EPX: variants seen among roughly 807,000 people sequenced by gnomAD.
The protein encoded by EPX is eosinophil peroxidase.
A neutral mutation model predicts 73.0 loss-of-function variants in EPX; 60 were observed. The ratio of observed to expected loss-of-function variants is 0.82; its 90% CI spans 0.67 to 1.02. The LOEUF (loss-of-function observed/expected upper bound fraction) is 1.02. Ranked by LOEUF, EPX falls within the 50% of genes least tolerant of loss-of-function variation. EPX has a pLI of 0.00. For synonymous variants in EPX, 347 were observed against 389.2 expected, an observed-to-expected ratio of 0.89 and a Z score of 1.28; for missense variants, 950 against 973.9, an observed-to-expected ratio of 0.98 and a Z score of 0.33.
rs1968400593 is a variant in EPX, at chr17:58,204,452, C to T, written c.*11+18C>T. On this transcript the variant is annotated intron_variant, in intron 12 of 12. Transcript: ENST00000225371. ...TTCTGCAGGTAAGGGGAGGCCACCT[C>T]CAGCACCCTGGGCTGGGTTAAGCCC... 2 of 1,530,006 alleles carry T rather than the reference C, an allele frequency of 1.3e-6. No individual in the cohort carries two copies. The highest frequency in any genetic ancestry group is 4.5e-5 in the East Asian group (2 of 44,446). 94.8% of individuals were successfully genotyped at this position (1,530,006 alleles called of 1,614,324 possible).
intron 6 of EPX, among the ~76,000 whole-genome samples, chr17:58,195,987 T>TTTCC (rs772829316): frequency 4.3e-4 from 65 of 151,444 alleles, no homozygotes; most frequent in Non-Finnish European, 7.5e-4. Flanking sequence ...CTTTCTTTCC[T>TTTCC]TTCCTTCCTT....
At chr17:58,194,313 G>C (rs141230007) in intron 5 of EPX, among the ~76,000 whole-genome samples, 1 of 152,250 alleles carries the variant, frequency 6.6e-6, no homozygotes, top group African/African-American at 2.4e-5. Context: ...GAAGTCCTTG[G>C]TATAAATAGC....
intron 5 of EPX, 110 bp downstream of exon 5, chr17:58,194,202 C>A: frequency 9.0e-7 from 1 of 1,113,664 alleles, no homozygotes; most frequent in Non-Finnish European, 1.3e-6. Context: ...TTCCACTGAC[C>A]AGTGCAGTGA....
intron 10 of EPX, 113 bp downstream of exon 10, chr17:58,200,508 G>C: frequency 8.9e-7 from 1 of 1,127,440 alleles, no homozygotes; most frequent in Non-Finnish European, 1.3e-6. Context: ...AGGATGTGCA[G>C]GAGTGCAGAG....
chr17:58,204,430 T>G lies in EPX; in HGVS notation c.*7T>G. The G allele has an allele frequency of 6.2e-7, 1 of 1,610,994 alleles. No homozygotes were observed. ...AGCCTGGCGAGGGACATGAGGCTTC[T>G]GCAGGTAAGGGGAGGCCACCTCCAG... On this transcript the variant is annotated 3_prime_UTR_variant, in exon 12 of 13. Coordinates refer to ENST00000225371, the MANE Select transcript of EPX (RefSeq NM_000502.6).
intron 11 of EPX, 63 bp downstream of exon 11, chr17:58,203,381 C>A: frequency 9.6e-7 from 1 of 1,043,118 alleles, no homozygotes; most frequent in Non-Finnish European, 1.5e-6. Context: ...ACTAGCATTT[C>A]AAGACTAAAC....
chr17:58,195,203 G>T (rs371395875), intron 6 of EPX, 33 bp downstream of exon 6: 1 of 1,561,596 alleles, frequency 6.4e-7, no homozygotes, highest in Non-Finnish European at 8.8e-7. Flanking sequence ...CCATGCCCTT[G>T]TGTGGCCTCC....
At position 58,199,635 on chromosome 17, in the gene EPX, C is replaced by T. The variant is rs370316542; in HGVS notation, c.1378C>T (p.Pro460Ser). The change falls in exon 9 of 13, where the codon CCA becomes TCA. Residue 460 changes from proline (P) to serine (S), a missense_variant. Transcript: ENST00000225371. ...CAGGGGGTACTGCTCCAATGTGGAC[C>T]CACGGGTGGCCAATGTCTTCACCCT... ...HYRGYCSNVD[P>S]RVANVFTLAF... 3 of 1,614,232 alleles carry T rather than the reference C, an allele frequency of 1.9e-6. No homozygotes were observed. In the East Asian group the frequency reaches 6.7e-5, roughly 36 times the overall value.
intron 8 of EPX, 66 bp downstream of exon 8, chr17:58,199,266 C>T (rs1968305242): frequency 6.5e-7 from 1 of 1,543,914 alleles, no homozygotes; most frequent in East Asian, 2.3e-5. Flanking sequence ...GTCCTTAACA[C>T]ATCCTTGCGG....
chr17:58,197,475 C>T (rs1407334137), intron 7 of EPX, among the ~76,000 whole-genome samples: 2 of 152,178 alleles, frequency 1.3e-5, no homozygotes, highest in African/African-American at 4.8e-5. Flanking sequence ...TAACCGTCTC[C>T]AGTGACAAGG....
chr17:58,202,965 T>C (rs1968360810), intron 10 of EPX, 116 bp from the exon 11 acceptor site: 1 of 777,536 alleles, frequency 1.3e-6, no homozygotes. Context: ...AGCAGGATCT[T>C]CTGGTTCTGC....
chr17:58,204,554 T>A lies in EPX; in HGVS notation c.*11+120T>A. The A allele has an allele frequency of 4.5e-6, 3 of 663,306 alleles. No homozygotes were observed. In the South Asian group the frequency reaches 5.2e-5, roughly 11 times the overall value. The allele number at this position is 663,306 out of a possible 1,614,324, so 41.1% of individuals were successfully genotyped here. A position where few individuals can be genotyped will look rare whatever the true frequency, so the allele number is the denominator to read the frequency against. Reference sequence around the variant, plus strand: ...GAAAACAGAACTTGTCACTAGGTACTCTTTCCAAGTGGCTTCCCAATGTGC... The same window carrying A: ...GAAAACAGAACTTGTCACTAGGTACACTTTCCAAGTGGCTTCCCAATGTGC... On this transcript the variant is annotated intron_variant, in intron 12 of 12. Coordinates refer to ENST00000225371, the MANE Select transcript of EPX (RefSeq NM_000502.6).
In EPX at chr17:58,202,857, A is replaced by C. The variant is rs1444777629; in HGVS notation, c.1709-224A>C. 6.9e-6 allele frequency: 4 copies of C among 580,528 alleles called. No individual in the cohort carries two copies. In the African/African-American group the frequency reaches 7.5e-5, roughly 11 times the overall value. The allele number at this position is 580,528 out of a possible 1,614,324, so 36.0% of individuals were successfully genotyped here. A position where few individuals can be genotyped will look rare whatever the true frequency, so the allele number is the denominator to read the frequency against. On this transcript the variant is annotated intron_variant, in intron 10 of 12. Coordinates refer to ENST00000225371, the MANE Select transcript of EPX (RefSeq NM_000502.6). ...AAAACAGCTTTTTAGGTTAGGACAC[A>C]CTCCTCAGTCTGATGCACACTGAGC...
chr17:58,196,970 A>G lies in EPX; in HGVS notation c.833A>G (p.Gln278Arg). Residue 278 changes from glutamine to arginine, a missense_variant, in exon 7 of 13, where the codon CAG (glutamine) becomes CGG (arginine). Transcript: ENST00000225371. ...CCCAATGACCCCCGCATCAAGAACC[A>G]GCGTGACTGCATCCCTTTCTTCCGC... Reference protein sequence around the residue: ...IPPNDPRIKNQRDCIPFFRSA... With the variant: ...IPPNDPRIKNRRDCIPFFRSA... 1 of 1,614,128 alleles carries G rather than the reference A, an allele frequency of 6.2e-7. No individual in the cohort carries two copies. Among genetic ancestry groups the G allele is most frequent in the Non-Finnish European group, 8.5e-7 (1 of 1,180,010 alleles).
In EPX at chr17:58,193,982, G is replaced by A. The variant is rs375023183; in HGVS notation, c.484G>A (p.Ala162Thr). 8 of 1,612,880 alleles carry A rather than the reference G, an allele frequency of 5.0e-6. No individual in the cohort carries two copies. The highest frequency in any genetic ancestry group is 3.3e-4 in the Middle Eastern group (2 of 6,062). ...CNNKRRPLLG[A>T]SNQALARWLP... Reference sequence around the variant, plus strand: ...CTGCAGGAGGAGACCCTTGCTAGGGGCCTCCAACCAGGCTCTGGCTCGCTG... The same window carrying A: ...CTGCAGGAGGAGACCCTTGCTAGGGACCTCCAACCAGGCTCTGGCTCGCTG... The change falls in exon 5 of 13, where the codon GCC becomes ACC. Residue 162 changes from alanine (A) to threonine (T), a missense_variant. Ala to Thr is a moderately conservative substitution (Grantham distance 58, BLOSUM62 0). Transcript: ENST00000225371.
rs1402184968 is a variant in EPX at position 58,193,021 on chromosome 17, C to T, written c.77-17C>T. On this transcript the variant is annotated splice_polypyrimidine_tract_variant and intron_variant, in intron 1 of 12. Transcript: ENST00000225371. ...CTTGTGGCTTGCTGAACCCTGAGTC[C>T]CCATCTCTTTGAACAGCCTCCCCTG... 2 of 1,602,650 alleles carry T rather than the reference C, an allele frequency of 1.2e-6. No homozygotes were observed. The highest frequency in any genetic ancestry group is 1.7e-5 in the Admixed American group (1 of 59,986).
intron 6 of EPX, 147 bp downstream of exon 6, chr17:58,195,317 G>A (rs1968241003): frequency 1.4e-6 from 1 of 730,692 alleles, no homozygotes; most frequent in South Asian, 1.5e-5. Context: ...AAGAAACACA[G>A]CTGAGCAGAG....
At position 58,193,105 on chromosome 17, in the gene EPX, T is replaced by A. The variant is rs1046380337; in HGVS notation, c.144T>A (p.Asp48Glu). Residue 48 changes from aspartate to glutamate, a missense_variant, in exon 2 of 13, where the codon GAT becomes GAA. Transcript: ENST00000225371. ...DCIAEAKLLV[D>E]AAYNWTQKSI... Reference sequence around the variant, plus strand: ...TAGCAGAGGCCAAGTTGCTGGTGGATGCTGCCTACAATTGGACCCAGAAGA... The same window carrying A: ...TAGCAGAGGCCAAGTTGCTGGTGGAAGCTGCCTACAATTGGACCCAGAAGA... 3.7e-6 allele frequency: 6 copies of A among 1,612,720 alleles called. No individual in the cohort carries two copies. The highest frequency in any genetic ancestry group is 1.3e-5 in the African/African-American group (1 of 74,906).
At chr17:58,202,891 C>T (rs1968360257) in intron 10 of EPX, 190 bp from the exon 11 acceptor site, 1 of 641,466 alleles carries the variant, frequency 1.6e-6, no homozygotes, top group Non-Finnish European at 2.8e-6. Flanking sequence ...GCACAGTTGT[C>T]CACTCACATT....
Sources: gnomAD v4.1 joint callset for allele counts (sites outside exome capture counted in the v4.1 genomes callset) on GRCh38, gnomAD v4.1.1 for gene constraint, MANE v1.5 for transcripts, NCBI Gene and HGNC (gene_info 2026-07-23, HGNC 2026-07-21) for gene names.